CNOT10: variants seen among roughly 807,000 people sequenced by gnomAD.
The protein encoded by CNOT10 is CCR4-NOT transcription complex subunit 10.
A neutral mutation model predicts 94.6 loss-of-function variants in CNOT10; 30 were observed. The observed-to-expected ratio is 0.32, with a 90% CI of 0.24 to 0.43. The LOEUF (loss-of-function observed/expected upper bound fraction) is 0.43, where lower values mean the gene tolerates loss of function less well. Ranked by LOEUF, CNOT10 falls within the 20% of genes least tolerant of loss-of-function variation. The probability of loss-of-function intolerance (pLI) is 1.00; values close to 1 mark genes in which losing one functional copy is unlikely to be tolerated. For missense variants in CNOT10, 759 were observed against 877.2 expected, an observed-to-expected ratio of 0.87 and a Z score of 1.70; for synonymous variants, 289 against 301.6, an observed-to-expected ratio of 0.96 and a Z score of 0.43.
At chr3:32,726,569 G>A (rs1232364804) in intron 9 of CNOT10, among the ~76,000 whole-genome samples, 4 of 151,586 alleles carry the variant, frequency 2.6e-5, no homozygotes, top group East Asian at 3.9e-4. Context: ...GGTGGCAGGC[G>A]CCTGTAGCCC....
intron 10 of CNOT10, among the ~76,000 whole-genome samples, chr3:32,732,631 G>T (rs1699011974): frequency 6.6e-6 from 1 of 151,854 alleles, no homozygotes; most frequent in Admixed American, 6.6e-5. Flanking sequence ...AGATACAGGG[G>T]GGTCTCACTA....
intron 1 of CNOT10, among the ~76,000 whole-genome samples, chr3:32,688,766 A>G (rs1696728371): frequency 1.3e-5 from 2 of 151,744 alleles, no homozygotes; most frequent in Non-Finnish European, 2.9e-5. Context: ...TAAAAAATAA[A>G]AAGCCAGATA....
At chr3:32,743,300 C>T (rs1310543673) in intron 13 of CNOT10, among the ~76,000 whole-genome samples, 1 of 151,886 alleles carries the variant, frequency 6.6e-6, no homozygotes, top group African/African-American at 2.4e-5. Context: ...GAGTACTAAT[C>T]TTAGGATTGC....
rs1458269469 is a variant in CNOT10 at position 32,759,565 on chromosome 3, C to A, written c.1703C>A (p.Ser568Tyr). Residue 568 changes from serine (S) to tyrosine (Y), a missense_variant, in exon 14 of 19, where the codon TCT becomes TAT. Ser to Tyr is a moderately radical substitution (Grantham distance 144). Around this residue, in one of 3 missense-constraint regions of CNOT10, gnomAD observed 682 missense variants for 799.4 expected, o/e 0.85. Coordinates refer to ENST00000328834, the MANE Select transcript of CNOT10 (RefSeq NM_015442.3). ...KLLQQPKLSG[S>Y]LKFLGHLYAA... The stretch of plus-strand genomic sequence containing the variant: ...CTTCAGCAGCCCAAGCTGTCAGGAT[C>A]TCTTAAGTAAGTGTGACTTGCCCTG... 6.2e-7 allele frequency: 1 copy of A among 1,611,380 alleles called. No individual in the cohort carries two copies.
rs560106405 is a variant in CNOT10, at chr3:32,701,622, C to G, written c.23-2246C>G. 1.1e-4 allele frequency among the ~76,000 whole-genome samples: 16 copies of G among 152,192 alleles called. No individual in the cohort carries two copies. The East Asian group carries it at 2.9e-3, about 28-fold the overall frequency. On this transcript the variant is annotated intron_variant, in intron 1 of 18. Transcript: ENST00000328834. ...TATTTAAAAGTGTGTAGCACCTCCCCCTTTGCTCTCTCTTCTGCTGACCAT... is the reference window on the plus strand; with the variant it reads ...TATTTAAAAGTGTGTAGCACCTCCCGCTTTGCTCTCTCTTCTGCTGACCAT...
At chr3:32,745,922 T>C (rs1397421641) in intron 13 of CNOT10, among the ~76,000 whole-genome samples, 2 of 152,058 alleles carry the variant, frequency 1.3e-5, no homozygotes. Context: ...GCCCTGTAGG[T>C]TTGAGGCTGC....
intron 3 of CNOT10, among the ~76,000 whole-genome samples, chr3:32,706,907 A>G (rs1216552759): frequency 3.3e-5 from 5 of 152,238 alleles, no homozygotes. Flanking sequence ...ACTTGCTAAC[A>G]TTTGAACCAT....
chr3:32,735,056 C>A, intron 12 of CNOT10, 80 bp downstream of exon 12: 2 of 1,199,474 alleles, frequency 1.7e-6, no homozygotes, highest in South Asian at 1.6e-5. Context: ...TAAGTAAATT[C>A]CTAAAATCTT....
At chr3:32,694,511 CTCA>C (rs1559475331) in intron 1 of CNOT10, among the ~76,000 whole-genome samples, 1 of 152,188 alleles carries the variant, frequency 6.6e-6, no homozygotes, top group African/African-American at 2.4e-5. Context: ...AAACAAAATA[CTCA>C]TCAGCAGTGG....
chr3:32,713,738 G>A (rs1190107452), intron 5 of CNOT10, among the ~76,000 whole-genome samples: 1 of 152,126 alleles, frequency 6.6e-6, no homozygotes, highest in Non-Finnish European at 1.5e-5. Flanking sequence ...ACATATGAAT[G>A]GAATCATAAT....
intron 1 of CNOT10, among the ~76,000 whole-genome samples, chr3:32,687,175 C>G (rs1049686400): frequency 6.6e-6 from 1 of 152,072 alleles, no homozygotes; most frequent in Non-Finnish European, 1.5e-5. Context: ...TCCATCTCAT[C>G]TGCTGTGTTT....
intron 18 of CNOT10, among the ~76,000 whole-genome samples, chr3:32,771,703 T>C (rs956122854): frequency 1.3e-5 from 2 of 152,194 alleles, no homozygotes; most frequent in Non-Finnish European, 2.9e-5. Context: ...CTACAAATAC[T>C]CCTTACAAGT....
At chr3:32,736,133 T>C (rs368027962) in intron 12 of CNOT10, among the ~76,000 whole-genome samples, 2 of 152,122 alleles carry the variant, frequency 1.3e-5, no homozygotes, top group South Asian at 4.1e-4. Context: ...TCACCCAGGC[T>C]GGAAAGCAGT....
At chr3:32,728,716 G>T (rs1053015630) in intron 10 of CNOT10, among the ~76,000 whole-genome samples, 4 of 152,200 alleles carry the variant, frequency 2.6e-5, no homozygotes. Flanking sequence ...AGAAAGTCAT[G>T]TATGTTGGAA....
intron 1 of CNOT10, among the ~76,000 whole-genome samples, chr3:32,700,601 C>A (rs78467050): frequency 6.6e-6 from 1 of 152,166 alleles, no homozygotes; most frequent in African/African-American, 2.4e-5. Context: ...TAAAGCCTTA[C>A]AATAACTTGA....
Position 32,697,540 on chromosome 3 carries a change from G to A in CNOT10, c.23-6328G>A, listed in dbSNP as rs561609131. Among the ~76,000 whole-genome samples, 50 of 152,122 alleles carry A rather than the reference G, an allele frequency of 3.3e-4. No individual in the cohort carries two copies. The South Asian group carries it at 9.4e-3, about 28-fold the overall frequency. On this transcript the variant is annotated intron_variant, in intron 1 of 18. Transcript: ENST00000328834. The stretch of plus-strand genomic sequence containing the variant: ...GGCTGGAGTGCAGTGGCATGGTCAC[G>A]GCTCACTGCAGCCTCAACCTCCCAG...
intron 14 of CNOT10, among the ~76,000 whole-genome samples, chr3:32,759,841 C>G (rs1559515997): frequency 6.6e-6 from 1 of 152,018 alleles, no homozygotes; most frequent in Non-Finnish European, 1.5e-5. Flanking sequence ...TAAGTCAAGT[C>G]CTCAGAGAGA....
chr3:32,703,624 G>C (rs1019801779), intron 1 of CNOT10, among the ~76,000 whole-genome samples: 1 of 152,168 alleles, frequency 6.6e-6, no homozygotes, highest in African/African-American at 2.4e-5. Context: ...TGGAATGCTA[G>C]ACAAAGGAAT....
chr3:32,722,756 G>T (rs115236160), intron 8 of CNOT10, among the ~76,000 whole-genome samples: 27 of 151,984 alleles, frequency 1.8e-4, no homozygotes, highest in African/African-American at 4.6e-4. Flanking sequence ...GACTGAGGCC[G>T]ACGGATCACT....
Sources: gnomAD v4.1 joint callset for allele counts (sites outside exome capture counted in the v4.1 genomes callset) on GRCh38, gnomAD v4.1.1 for gene constraint, gnomAD v4.1.1 regional missense constraint, MANE v1.5 for transcripts, NCBI Gene and HGNC (gene_info 2026-07-23, HGNC 2026-07-21) for gene names.